The following GLIS3 variants were observed in gnomAD, a reference collection of about 807,000 sequenced individuals.
GLIS3 encodes the protein zinc finger protein GLIS3.
In GLIS3, 53 loss-of-function variants were observed where a neutral mutation model predicts 78.6. The ratio of observed to expected loss-of-function variants is 0.67; its 90% CI spans 0.54 to 0.85. The LOEUF is 0.85. Among genes scored for constraint, GLIS3 ranks in the 40% least tolerant of loss-of-function variants. The pLI is 0.00. For missense variants in GLIS3, 1,703 were observed against 1,231.1 expected, an observed-to-expected ratio of 1.38 and a Z score of -5.74; for synonymous variants, 684 against 509.9, an observed-to-expected ratio of 1.34 and a Z score of -4.60.
At chr9:3,834,984 T>C (rs1818265848) in intron 9 of GLIS3, among the ~76,000 whole-genome samples, 1 of 152,168 alleles carries the variant, frequency 6.6e-6, no homozygotes, top group Admixed American at 6.5e-5. Flanking sequence ...CTTGTGGGTC[T>C]CCATTTATCC....
the GLIS3 span, among the ~76,000 whole-genome samples, chr9:4,387,542 A>C: frequency 6.6e-6 from 1 of 152,208 alleles, no homozygotes; most frequent in Non-Finnish European, 1.5e-5. Context: ...TTGAGAGAAT[A>C]CAGTGCAGCA....
At chr9:4,283,308 C>G (rs547351143) in intron 2 of GLIS3, among the ~76,000 whole-genome samples, 2 of 151,338 alleles carry the variant, frequency 1.3e-5, no homozygotes, top group Non-Finnish European at 2.9e-5. Context: ...CTTTCTTGCC[C>G]CGGCTGGAGT....
intron 1 of GLIS3, among the ~76,000 whole-genome samples, chr9:4,297,977 G>A (rs1816716276): frequency 1.3e-5 from 2 of 152,110 alleles, no homozygotes; most frequent in Non-Finnish European, 2.9e-5. Flanking sequence ...GCGCCCGGCG[G>A]GGTACGCGCG....
chr9:4,233,736 C>G (rs1404325196), intron 2 of GLIS3, among the ~76,000 whole-genome samples: 2 of 152,296 alleles, frequency 1.3e-5, no homozygotes, highest in South Asian at 2.1e-4. Context: ...AGCTTTGAAG[C>G]CAGGCATTGA....
intron 6 of GLIS3, among the ~76,000 whole-genome samples, chr9:3,918,843 C>T (rs1238069873): frequency 1.3e-5 from 2 of 152,152 alleles, no homozygotes; most frequent in Admixed American, 1.3e-4. Flanking sequence ...TGTAGAGGTC[C>T]AATTTCAACC....
chr9:4,194,042 A>G (rs989458041), intron 2 of GLIS3, among the ~76,000 whole-genome samples: 4 of 151,924 alleles, frequency 2.6e-5, no homozygotes, highest in African/African-American at 9.7e-5. Flanking sequence ...TTGCCGCTTT[A>G]TTTTTATTTA....
intron 2 of GLIS3, among the ~76,000 whole-genome samples, chr9:4,146,494 G>T (rs1035383326): frequency 2.0e-5 from 3 of 152,056 alleles, no homozygotes; most frequent in African/African-American, 7.2e-5. Context: ...CTCAATTTAG[G>T]GTTAATGACT....
chr9:4,272,582 T>C (rs35361480), intron 2 of GLIS3, among the ~76,000 whole-genome samples: 21,732 of 152,202 alleles, frequency 0.14, 1,659 homozygotes, highest in Non-Finnish European at 0.16. Flanking sequence ...TTAAGATATA[T>C]AAAGCTAAGC....
At chr9:4,432,685 G>C in the GLIS3 span, among the ~76,000 whole-genome samples, 6 of 142,178 alleles carry the variant, frequency 4.2e-5, no homozygotes, top group Non-Finnish European at 9.0e-5. Flanking sequence ...CTGCCACCCA[G>C]GCTGGAGTGC....
At chr9:3,936,612 GA>G (rs59641098) in intron 5 of GLIS3, among the ~76,000 whole-genome samples, 8,686 of 146,582 alleles carry the variant, frequency 0.059, 302 homozygotes, top group African/African-American at 0.084. Context: ...AACCAGGGTA[GA>G]AAAAAAAAAC....
the GLIS3 span, among the ~76,000 whole-genome samples, chr9:4,405,354 TAAAAA>T: frequency 7.6e-6 from 1 of 132,032 alleles, no homozygotes; most frequent in African/African-American, 2.8e-5. Context: ...AACTCCATCT[TAAAAA>T]AAAAAGAAAA....
At chr9:4,243,421 T>C (rs1164131429) in intron 2 of GLIS3, among the ~76,000 whole-genome samples, 1 of 151,864 alleles carries the variant, frequency 6.6e-6, no homozygotes, top group African/African-American at 2.4e-5. Flanking sequence ...CACATACGCA[T>C]AGAGTACTAA....
chr9:4,239,709 A>G (rs1203447735), intron 2 of GLIS3, among the ~76,000 whole-genome samples: 1 of 152,224 alleles, frequency 6.6e-6, no homozygotes, highest in African/African-American at 2.4e-5. Flanking sequence ...CTCCCTTATT[A>G]GATTGCATCT....
chr9:4,464,783 A>G, the GLIS3 span, among the ~76,000 whole-genome samples: 1 of 152,242 alleles, frequency 6.6e-6, no homozygotes, highest in Non-Finnish European at 1.5e-5. Context: ...GGTATATAGA[A>G]GAAGAAAAAA....
At chr9:3,962,169 A>G (rs1221328547) in intron 4 of GLIS3, among the ~76,000 whole-genome samples, 1 of 152,162 alleles carries the variant, frequency 6.6e-6, no homozygotes, top group Non-Finnish European at 1.5e-5. Flanking sequence ...GCCGTGAGCC[A>G]TGCTGGTGTC....
chr9:3,867,942 G>C (rs1820706673), intron 8 of GLIS3, among the ~76,000 whole-genome samples: 1 of 152,142 alleles, frequency 6.6e-6, no homozygotes, highest in Non-Finnish European at 1.5e-5. Context: ...CAAAGAGAAA[G>C]AATGATGTTC....
intron 2 of GLIS3, among the ~76,000 whole-genome samples, chr9:4,248,786 T>C (rs962325298): frequency 1.4e-4 from 21 of 152,220 alleles, no homozygotes; most frequent in Admixed American, 8.5e-4. Flanking sequence ...CCATTCCAAC[T>C]GGCATGAGAT....
chr9:3,890,838 A>C (rs976428275), intron 7 of GLIS3, among the ~76,000 whole-genome samples: 1 of 152,182 alleles, frequency 6.6e-6, no homozygotes, highest in Non-Finnish European at 1.5e-5. Flanking sequence ...CACAATTTTG[A>C]CATTGTGAGT....
At chr9:4,049,705 A>C (rs35822417) in intron 4 of GLIS3, among the ~76,000 whole-genome samples, 7,507 of 152,274 alleles carry the variant, frequency 0.049, 282 homozygotes, top group Middle Eastern at 0.088. Flanking sequence ...CCATCTGACA[A>C]AGGACTAATA....
Sources: gnomAD v4.1 joint callset for allele counts (sites outside exome capture counted in the v4.1 genomes callset) on GRCh38, gnomAD v4.1.1 for gene constraint, MANE v1.5 for transcripts, NCBI Gene and HGNC (gene_info 2026-07-23, HGNC 2026-07-21) for gene names.